The following DCT variants were observed in gnomAD, a reference collection of about 807,000 sequenced individuals.
The protein encoded by DCT is dopachrome tautomerase.
In DCT, 47 loss-of-function variants were observed where a neutral mutation model predicts 53.0. The ratio of observed to expected loss-of-function variants is 0.89; its 90% CI spans 0.70 to 1.13. DCT has a LOEUF of 1.13. DCT is among the 50% of genes most tolerant of loss of function. The pLI is 0.00. For missense variants in DCT, 669 were observed against 637.4 expected (o/e 1.05, Z -0.53); for synonymous variants, 244 against 237.0 (o/e 1.03, Z -0.27).
chr13:94,511,825 AGTGTGT>A, the DCT span, among the ~76,000 whole-genome samples: 1,336 of 143,802 alleles, frequency 9.3e-3, 7 homozygotes, highest in Non-Finnish European at 0.015. Context: ...CAGCATTGTC[AGTGTGT>A]GTGTGTGTGT....
At chr13:94,513,622 A>G in the DCT span, among the ~76,000 whole-genome samples, 1 of 152,234 alleles carries the variant, frequency 6.6e-6, no homozygotes, top group Non-Finnish European at 1.5e-5. Context: ...AGGTCCACAC[A>G]CTAGGGCTAG....
chr13:94,469,023 A>G lies in DCT; in HGVS notation c.318T>C (p.Cys106=), dbSNP rs1414720765. The G allele has an allele frequency of 1.9e-6, 3 of 1,613,658 alleles. No individual in the cohort carries two copies. The highest frequency in any genetic ancestry group is 1.7e-5 in the Admixed American group (1 of 60,004). The change falls in exon 2 of 8, where the codon TGT becomes TGC. Residue 106 remains cysteine (C), a synonymous_variant. Transcript: ENST00000377028. ...CGGTCCAGCCAAACTTGCAGTCTCC[A>G]CAATTATAGCCGGCAAAGTTTCCTA... ...KCTGNFAGYN[C]GDCKFGWTGP...
At chr13:94,459,660 C>G (rs772208897) in intron 6 of DCT, among the ~76,000 whole-genome samples, 1 of 152,158 alleles carries the variant, frequency 6.6e-6, no homozygotes, top group Non-Finnish European at 1.5e-5. Flanking sequence ...AAAGCTCACT[C>G]AAGTTGGAGT....
chr13:94,499,157 G>C, the DCT span, among the ~76,000 whole-genome samples: 1 of 152,142 alleles, frequency 6.6e-6, no homozygotes, highest in Non-Finnish European at 1.5e-5. Flanking sequence ...ACCTGTAAGA[G>C]CTGTAACACT....
chr13:94,467,663 C>A (rs552533117), intron 2 of DCT: 3 of 152,180 alleles, frequency 2.0e-5, no homozygotes, highest in Admixed American at 6.5e-5. Flanking sequence ...GTTGGCTACA[C>A]GGCCCTTTTT....
chr13:94,481,640 T>C (rs1387395152), upstream of DCT, among the ~76,000 whole-genome samples: 1 of 152,224 alleles, frequency 6.6e-6, no homozygotes, highest in Admixed American at 6.5e-5. Context: ...TCAGCTAGTC[T>C]GAGGCCTTAA....
chr13:94,444,373 CTT>C, intron 6 of DCT: 2 of 516,576 alleles, frequency 3.9e-6, no homozygotes, highest in South Asian at 2.8e-5. Flanking sequence ...CAGGAATACT[CTT>C]CTGTCTACTC....
intron 6 of DCT, among the ~76,000 whole-genome samples, chr13:94,455,381 T>TAAAGAGAGAGAGAGAG (rs139095318): frequency 6.3e-5 from 9 of 141,762 alleles, no homozygotes; most frequent in African/African-American, 2.4e-4. Context: ...GACTGTCTCT[T>TAAAGAGAGAGAGAGAG]AGAGAGAGAG....
the DCT span, among the ~76,000 whole-genome samples, chr13:94,548,236 G>A: frequency 6.6e-6 from 1 of 151,674 alleles, no homozygotes; most frequent in African/African-American, 2.4e-5. Context: ...TATAAAATGG[G>A]GATAATAATA....
At chr13:94,521,543 G>A in the DCT span, among the ~76,000 whole-genome samples, 1 of 152,174 alleles carries the variant, frequency 6.6e-6, no homozygotes, top group Admixed American at 6.5e-5. Flanking sequence ...GGTGGCCTGT[G>A]CCTGTAGTCC....
chr13:94,531,517 C>T, the DCT span, among the ~76,000 whole-genome samples: 4,158 of 152,208 alleles, frequency 0.027, 81 homozygotes, highest in Admixed American at 0.059. Context: ...CTTTGACAAA[C>T]CTGACAAAAA....
chr13:94,489,238 G>A, the DCT span, among the ~76,000 whole-genome samples: 1 of 152,122 alleles, frequency 6.6e-6, no homozygotes, highest in Non-Finnish European at 1.5e-5. Flanking sequence ...GAATGATGAG[G>A]ACTTGTGAGG....
the DCT span, among the ~76,000 whole-genome samples, chr13:94,517,539 G>A: frequency 6.6e-6 from 1 of 152,122 alleles, no homozygotes; most frequent in African/African-American, 2.4e-5. Flanking sequence ...TCTGTAACAG[G>A]CTGAATAATG....
chr13:94,459,070 G>A (rs529608181), intron 6 of DCT, among the ~76,000 whole-genome samples: 11 of 151,990 alleles, frequency 7.2e-5, no homozygotes, highest in African/African-American at 2.4e-4. Flanking sequence ...GTAGAGAAAA[G>A]GTCTCATAAT....
intron 7 of DCT, among the ~76,000 whole-genome samples, chr13:94,440,682 T>TG (rs1456437942): frequency 6.9e-6 from 1 of 144,426 alleles, no homozygotes; most frequent in Non-Finnish European, 1.5e-5. Context: ...TTTGGTTTTT[T>TG]TTTTTTTTTT....
At chr13:94,543,838 C>T in the DCT span, among the ~76,000 whole-genome samples, 2 of 152,056 alleles carry the variant, frequency 1.3e-5, no homozygotes, top group African/African-American at 4.8e-5. Flanking sequence ...AGTTTGAGAC[C>T]AGCCTGACCA....
chr13:94,443,828 T>G (rs1882529779), intron 6 of DCT, among the ~76,000 whole-genome samples, 191 bp from the exon 7 acceptor site: 2 of 152,176 alleles, frequency 1.3e-5, no homozygotes. Flanking sequence ...GTGACTATGA[T>G]GGCGAGGATC....
At chr13:94,532,728 G>T in the DCT span, among the ~76,000 whole-genome samples, 1 of 152,202 alleles carries the variant, frequency 6.6e-6, no homozygotes, top group South Asian at 2.1e-4. Flanking sequence ...TGGCACATGT[G>T]TACCTATGTA....
At chr13:94,548,783 C>A in the DCT span, among the ~76,000 whole-genome samples, 1 of 152,136 alleles carries the variant, frequency 6.6e-6, no homozygotes, top group East Asian at 1.9e-4. Context: ...CTTGCAGGGG[C>A]AAGACAGCAA....
Sources: allele counts gnomAD v4.1 joint callset (sites outside exome capture counted in the v4.1 genomes callset), GRCh38; gene constraint gnomAD v4.1.1; transcripts MANE v1.5; gene names NCBI Gene and HGNC (gene_info 2026-07-23, HGNC 2026-07-21).